EDA: variants seen among roughly 807,000 people sequenced by gnomAD.
The protein encoded by EDA is ectodysplasin-A.
EDA carries 2 observed loss-of-function variants against 23.6 expected under a neutral mutation model. That is an observed-to-expected ratio of 0.08 (90% CI 0.03 to 0.27). The LOEUF (loss-of-function observed/expected upper bound fraction) is 0.27, where lower values mean the gene tolerates loss of function less well. Ranked by LOEUF, EDA falls within the 10% of genes least tolerant of loss-of-function variation. The pLI, the probability that EDA is intolerant of heterozygous loss-of-function variation, is 1.00. For missense variants in EDA, 229 were observed against 324.2 expected, an observed-to-expected ratio of 0.71 and a Z score of 2.26; for synonymous variants, 131 against 132.0, an observed-to-expected ratio of 0.99 and a Z score of 0.05.
chrX:69,779,590 G>T (rs1158968644), intron 1 of EDA, among the ~76,000 whole-genome samples: 3 of 111,186 alleles, frequency 2.7e-5, no homozygotes, highest in Non-Finnish European at 5.7e-5. Flanking sequence ...AAAATGTTTT[G>T]GAACTAGATA....
intron 1 of EDA, among the ~76,000 whole-genome samples, chrX:69,767,023 C>T (rs1167266415): frequency 9.0e-6 from 1 of 111,434 alleles, no homozygotes; most frequent in Non-Finnish European, 1.9e-5. Context: ...CAGTCTTATC[C>T]GTGGTGTTTA....
intron 1 of EDA, among the ~76,000 whole-genome samples, chrX:69,648,662 C>T (rs910692973): frequency 2.7e-5 from 3 of 112,080 alleles, no homozygotes; most frequent in East Asian, 2.8e-4. Context: ...GCTTGAATTC[C>T]AAGCCAGTGC....
At chrX:69,853,842 GT>G (rs200479054) in intron 1 of EDA, among the ~76,000 whole-genome samples, 8,716 of 111,747 alleles carry the variant, frequency 0.078, 292 homozygotes, top group Middle Eastern at 0.21. Context: ...ATACTCCTCT[GT>G]TTGTTTTTTG....
chrX:69,663,350 G>A (rs1390997645), intron 1 of EDA, among the ~76,000 whole-genome samples: 1 of 112,342 alleles, frequency 8.9e-6, no homozygotes, highest in African/African-American at 3.2e-5. Context: ...TGCTTCAGCT[G>A]TGGCTAAAAG....
chrX:69,711,038 G>A (rs1314249917), intron 1 of EDA, among the ~76,000 whole-genome samples: 1 of 111,431 alleles, frequency 9.0e-6, no homozygotes. Flanking sequence ...TGTTGAATAG[G>A]AGTGGTGAGA....
intron 1 of EDA, among the ~76,000 whole-genome samples, chrX:69,638,526 T>A (rs2147227567): frequency 8.9e-6 from 1 of 112,194 alleles, no homozygotes; most frequent in South Asian, 3.7e-4. Context: ...AGTAATGCAT[T>A]TGGGGCTTGA....
At chrX:69,631,926 G>T (rs1932610811) in intron 1 of EDA, among the ~76,000 whole-genome samples, 1 of 111,314 alleles carries the variant, frequency 9.0e-6, no homozygotes, top group African/African-American at 3.3e-5. Flanking sequence ...TAGAGTAGAG[G>T]GTGAGTTTGG....
intron 1 of EDA, among the ~76,000 whole-genome samples, chrX:69,690,907 G>C (rs1880276066): frequency 9.0e-6 from 1 of 111,538 alleles, no homozygotes; most frequent in Non-Finnish European, 1.9e-5. Flanking sequence ...TATATAATTT[G>C]TATACATACA....
At chrX:69,911,990 C>T (rs932810484) in intron 1 of EDA, among the ~76,000 whole-genome samples, 1 of 112,582 alleles carries the variant, frequency 8.9e-6, no homozygotes, top group Admixed American at 9.4e-5. Flanking sequence ...TGTTTGATAG[C>T]ATTTTAACTA....
At chrX:69,679,506 T>A (rs1461287026) in intron 1 of EDA, among the ~76,000 whole-genome samples, 2 of 111,736 alleles carry the variant, frequency 1.8e-5, no homozygotes, top group Non-Finnish European at 3.8e-5. Context: ...GATCCTGTTA[T>A]TGGTCTATTC....
At chrX:69,708,754 C>A (rs752653243) in intron 1 of EDA, among the ~76,000 whole-genome samples, 2 of 109,426 alleles carry the variant, frequency 1.8e-5, no homozygotes, top group African/African-American at 3.3e-5. Flanking sequence ...GGGGTGGGGG[C>A]AGACAAAAAA....
chrX:69,721,824 T>A (rs2012593854), intron 1 of EDA, among the ~76,000 whole-genome samples: 1 of 111,793 alleles, frequency 8.9e-6, no homozygotes, highest in Admixed American at 9.5e-5. Context: ...GTCTCTTATG[T>A]CATTTCCAGG....
intron 1 of EDA, among the ~76,000 whole-genome samples, chrX:69,848,215 GA>G (rs2147571819): frequency 8.9e-6 from 1 of 111,808 alleles, no homozygotes; most frequent in African/African-American, 3.2e-5. Flanking sequence ...GTAGCTTCAT[GA>G]AAAGTTTACC....
At position 70,036,076 on chromosome X, in the gene EDA, G is replaced by C; in HGVS notation, c.*467G>C. The C allele has an allele frequency of 7.1e-6, 1 of 141,430 alleles. No individual in the cohort carries two copies. Among genetic ancestry groups the C allele is most frequent in the Non-Finnish European group, 1.4e-5 (1 of 72,079 alleles). 11.7% of individuals were successfully genotyped at this position (141,430 alleles called of 1,213,427 possible). ...GTGGGAAGGGAGCATTGCAGCCTAA[G>C]AAGAAGGCCAGAGAGGGAAAAGGCA... On this transcript the variant is annotated 3_prime_UTR_variant, in exon 8 of 8. Coordinates refer to ENST00000374552, the MANE Select transcript of EDA (RefSeq NM_001399.5).
chrX:69,679,474 A>T (rs1934246668), intron 1 of EDA, among the ~76,000 whole-genome samples: 1 of 111,475 alleles, frequency 9.0e-6, no homozygotes, highest in Non-Finnish European at 1.9e-5. Context: ...TTGGTAAGCT[A>T]TTGATTATTG....
At chrX:69,718,725 A>G (rs2012449047) in intron 1 of EDA, among the ~76,000 whole-genome samples, 1 of 111,222 alleles carries the variant, frequency 9.0e-6, no homozygotes. Context: ...TTTGTATTTA[A>G]GTTCATGAAC....
chrX:69,706,100 A>T (rs2011710482), intron 1 of EDA, among the ~76,000 whole-genome samples: 1 of 112,219 alleles, frequency 8.9e-6, no homozygotes, highest in Admixed American at 9.4e-5. Flanking sequence ...GATTTCCTTT[A>T]TAGATGTAAA....
rs1477326954 is a variant in EDA at position 70,036,976 on chromosome X, G to A, written c.*1367G>A. On this transcript the variant is annotated 3_prime_UTR_variant, in exon 8 of 8. Coordinates refer to ENST00000374552, the MANE Select transcript of EDA (RefSeq NM_001399.5). ...AAGCCAGTGTCTAGGCACTGAGCAGGGATCTGCCCCCTAGTTCAGGTCCAA... is the reference window on the plus strand; with the variant it reads ...AAGCCAGTGTCTAGGCACTGAGCAGAGATCTGCCCCCTAGTTCAGGTCCAA... 8.9e-6 allele frequency: 1 copy of A among 112,270 alleles called. No individual in the cohort carries two copies. Among genetic ancestry groups the A allele is most frequent in the African/African-American group, 3.2e-5 (1 of 30,911 alleles). The allele number at this position is 112,270 out of a possible 1,213,427, so 9.3% of individuals were successfully genotyped here. A position where few individuals can be genotyped will look rare whatever the true frequency, so the allele number is the denominator to read the frequency against.
chrX:70,024,555 TGGCACTGCTACCTTGTGTACG>T lies in EDA; in HGVS notation c.526+1317_526+1337del, dbSNP rs752589806. Among the ~76,000 whole-genome samples, 22 of 112,983 alleles carry T rather than the reference TGGCACTGCTACCTTGTGTACG, an allele frequency of 1.9e-4. No individual in the cohort carries two copies. In the East Asian group the frequency reaches 5.8e-3, roughly 30 times the overall value. On this transcript the variant is annotated intron_variant, in intron 3 of 7. Transcript: ENST00000374552. ...AGAAATTATAACTCAGATCATTGCC[TGGCACTGCTACCTTGTGTACG>T]GGACATTATTGAGAAGACAGTGCAC...
Sources: allele counts gnomAD v4.1 joint callset (sites outside exome capture counted in the v4.1 genomes callset), GRCh38; gene constraint gnomAD v4.1.1; transcripts MANE v1.5; gene names NCBI Gene and HGNC (gene_info 2026-07-23, HGNC 2026-07-21).